PMFBP1: variants seen among roughly 807,000 people sequenced by gnomAD.
PMFBP1 encodes the protein polyamine-modulated factor 1-binding protein 1.
Under a neutral mutation model 137.8 loss-of-function variants are expected in PMFBP1, and 131 were observed. The ratio of observed to expected loss-of-function variants is 0.95; its 90% CI spans 0.82 to 1.10. The LOEUF (loss-of-function observed/expected upper bound fraction) is 1.10. PMFBP1 is among the 50% of genes least tolerant of loss of function. The pLI is 0.00. For missense variants in PMFBP1, 1,199 were observed against 1,175.4 expected (o/e 1.02, Z -0.29); for synonymous variants, 490 against 450.4 (o/e 1.09, Z -1.11).
the PMFBP1 span, among the ~76,000 whole-genome samples, chr16:72,234,725 T>C: frequency 6.6e-6 from 1 of 152,352 alleles, no homozygotes; most frequent in Non-Finnish European, 1.5e-5. Context: ...CTTTGTGTCA[T>C]GAAGTCAAGA....
the PMFBP1 span, among the ~76,000 whole-genome samples, chr16:72,227,196 C>T: frequency 6.6e-6 from 1 of 152,170 alleles, no homozygotes; most frequent in Non-Finnish European, 1.5e-5. Context: ...GAGACGTTAA[C>T]TTCAAGGTTA....
intron 9 of PMFBP1, among the ~76,000 whole-genome samples, chr16:72,134,641 C>T (rs1450941376): frequency 6.6e-6 from 1 of 152,234 alleles, no homozygotes; most frequent in Non-Finnish European, 1.5e-5. Flanking sequence ...ACCCTCACAA[C>T]TCTCTGCCTC....
chr16:72,242,041 G>A, the PMFBP1 span, among the ~76,000 whole-genome samples: 360 of 152,294 alleles, frequency 2.4e-3, 1 homozygote, highest in Non-Finnish European at 3.9e-3. Context: ...CTCTCAATGT[G>A]CAGTAGGTGT....
chr16:72,167,566 C>T (rs1438060673), intron 2 of PMFBP1, among the ~76,000 whole-genome samples: 1 of 152,168 alleles, frequency 6.6e-6, no homozygotes, highest in Non-Finnish European at 1.5e-5. Flanking sequence ...ATCCTTAACT[C>T]GATGAAGAGT....
intron 4 of PMFBP1, among the ~76,000 whole-genome samples, chr16:72,153,268 G>A (rs2042930329): frequency 1.3e-5 from 2 of 152,106 alleles, no homozygotes; most frequent in East Asian, 1.9e-4. Context: ...TAATTCTTTT[G>A]AGCAGATTTT....
the PMFBP1 span, among the ~76,000 whole-genome samples, chr16:72,181,933 A>G: frequency 1.4e-4 from 22 of 152,362 alleles, no homozygotes; most frequent in African/African-American, 5.0e-4. Flanking sequence ...CTTGGGCCGC[A>G]TGTAAAATAC....
At chr16:72,181,904 T>C in the PMFBP1 span, among the ~76,000 whole-genome samples, 3 of 152,240 alleles carry the variant, frequency 2.0e-5, no homozygotes, top group South Asian at 2.1e-4. Flanking sequence ...CTGAGCCACA[T>C]TGGAAGAAGA....
intron 5 of PMFBP1, among the ~76,000 whole-genome samples, chr16:72,150,210 G>C (rs1180302646): frequency 4.6e-5 from 7 of 152,230 alleles, no homozygotes; most frequent in Admixed American, 1.3e-4. Context: ...GAAAAGATTG[G>C]ACATTGTTAG....
chr16:72,178,238 G>C (rs2043265174), upstream of PMFBP1, among the ~76,000 whole-genome samples: 2 of 152,110 alleles, frequency 1.3e-5, no homozygotes, highest in South Asian at 4.2e-4. Flanking sequence ...TATCATGTCA[G>C]GGATACATGA....
At chr16:72,225,929 TCACA>T in the PMFBP1 span, among the ~76,000 whole-genome samples, 1 of 106,144 alleles carries the variant, frequency 9.4e-6, no homozygotes, top group Non-Finnish European at 2.0e-5. Flanking sequence ...GCATGCACAC[TCACA>T]GACACACACA....
At chr16:72,120,275 G>C in intron 19 of PMFBP1, 186 bp from the exon 20 acceptor site, 1 of 987,732 alleles carries the variant, frequency 1.0e-6, no homozygotes, top group Non-Finnish European at 1.5e-6. Flanking sequence ...AGAAGCCCAG[G>C]CCTGGGGTCT....
chr16:72,247,677 C>G, the PMFBP1 span, among the ~76,000 whole-genome samples: 1 of 152,098 alleles, frequency 6.6e-6, no homozygotes, highest in Non-Finnish European at 1.5e-5. Flanking sequence ...CATTCTTGAC[C>G]TCATTATTAA....
chr16:72,140,854 GC>G (rs2042708914), intron 5 of PMFBP1, among the ~76,000 whole-genome samples: 2 of 148,162 alleles, frequency 1.3e-5, no homozygotes, highest in Non-Finnish European at 1.5e-5. Flanking sequence ...CATGTTACCA[GC>G]TTTTTGGATA....
chr16:72,136,023 G>A (rs187060382), intron 9 of PMFBP1, among the ~76,000 whole-genome samples: 120 of 152,108 alleles, frequency 7.9e-4, no homozygotes, highest in Admixed American at 2.0e-3. Flanking sequence ...TTAAAGTGCT[G>A]GGATTACAGG....
At chr16:72,131,842 G>T (rs930697222) in intron 10 of PMFBP1, among the ~76,000 whole-genome samples, 14 of 152,152 alleles carry the variant, frequency 9.2e-5, no homozygotes, top group African/African-American at 3.4e-4. Context: ...CATAAATTTA[G>T]CCCCTCCACC....
At chr16:72,192,230 C>T in the PMFBP1 span, among the ~76,000 whole-genome samples, 6 of 152,234 alleles carry the variant, frequency 3.9e-5, no homozygotes, top group South Asian at 2.1e-4. Flanking sequence ...GAGACACACA[C>T]GTTTGAGAGG....
the PMFBP1 span, among the ~76,000 whole-genome samples, chr16:72,200,097 G>C: frequency 1.3e-5 from 2 of 152,202 alleles, no homozygotes; most frequent in African/African-American, 4.8e-5. Context: ...CTCTGTGCCC[G>C]CCCTGCTGGG....
upstream of PMFBP1, among the ~76,000 whole-genome samples, chr16:72,176,169 G>C (rs2043258942): frequency 6.6e-6 from 1 of 152,166 alleles, no homozygotes; most frequent in Non-Finnish European, 1.5e-5. Context: ...TTCCAGGACT[G>C]GAGTTCTTCT....
intron 3 of PMFBP1, among the ~76,000 whole-genome samples, chr16:72,163,133 C>T (rs1389870258): frequency 6.6e-6 from 1 of 152,188 alleles, no homozygotes; most frequent in Admixed American, 6.5e-5. Flanking sequence ...GGCTTCACAG[C>T]CTCCCAGAGG....
Sources: allele counts gnomAD v4.1 joint callset (sites outside exome capture counted in the v4.1 genomes callset), GRCh38; gene constraint gnomAD v4.1.1; transcripts MANE v1.5; gene names NCBI Gene and HGNC (gene_info 2026-07-23, HGNC 2026-07-21).